Variants in CNOT4 observed in about 807,000 individuals in gnomAD.
CNOT4 encodes the protein CCR4-associated factor 4.
In CNOT4, 8 loss-of-function variants were observed where a neutral mutation model predicts 73.8. The observed-to-expected ratio is 0.11, with a 90% CI of 0.06 to 0.20. The LOEUF is 0.20. CNOT4 is among the 10% of genes least tolerant of loss of function. CNOT4 has a pLI of 1.00. For missense variants in CNOT4, 564 were observed against 883.4 expected, an observed-to-expected ratio of 0.64 and a Z score of 4.58; for synonymous variants, 293 against 321.1, an observed-to-expected ratio of 0.91 and a Z score of 0.94.
chr7:135,477,171 C>T (rs1003961789), intron 1 of CNOT4, among the ~76,000 whole-genome samples: 3 of 151,862 alleles, frequency 2.0e-5, no homozygotes, highest in Non-Finnish European at 4.4e-5. Flanking sequence ...GGCAAAACCC[C>T]GTCTCCGTTA....
At chr7:135,463,594 G>A (rs116079279) in intron 1 of CNOT4, among the ~76,000 whole-genome samples, 2,984 of 143,740 alleles carry the variant, frequency 0.021, 109 homozygotes, top group African/African-American at 0.072. Context: ...AGACAACCTA[G>A]ACAAATACCA....
At chr7:135,464,737 T>C (rs999687164) in intron 1 of CNOT4, among the ~76,000 whole-genome samples, 5 of 151,916 alleles carry the variant, frequency 3.3e-5, no homozygotes, top group Admixed American at 1.3e-4. Context: ...TATAATACTA[T>C]TAAATTTTAA....
intron 1 of CNOT4, among the ~76,000 whole-genome samples, chr7:135,459,481 T>C (rs1800743392): frequency 6.6e-6 from 1 of 152,246 alleles, no homozygotes; most frequent in Admixed American, 6.5e-5. Context: ...TTTTGACTAT[T>C]AGGCAAATGG....
chr7:135,370,390 T>G (rs1024412877), intron 10 of CNOT4, among the ~76,000 whole-genome samples: 1 of 152,236 alleles, frequency 6.6e-6, no homozygotes, highest in African/African-American at 2.4e-5. Context: ...CTCTATTCCC[T>G]CCATTCTCCT....
chr7:135,497,129 C>A (rs1298017519), intron 1 of CNOT4, among the ~76,000 whole-genome samples: 1 of 151,790 alleles, frequency 6.6e-6, no homozygotes, highest in Non-Finnish European at 1.5e-5. Flanking sequence ...CTCATAGGGT[C>A]AGGCATGGTG....
intron 1 of CNOT4, among the ~76,000 whole-genome samples, chr7:135,478,314 A>G (rs10270842): frequency 0.096 from 14,664 of 152,212 alleles, 764 homozygotes; most frequent in Middle Eastern, 0.12. Flanking sequence ...CACATTTATG[A>G]TAGATGTATG....
At chr7:135,460,738 C>A (rs1260880704) in intron 1 of CNOT4, among the ~76,000 whole-genome samples, 1 of 152,064 alleles carries the variant, frequency 6.6e-6, no homozygotes, top group Non-Finnish European at 1.5e-5. Flanking sequence ...GATAGACTTG[C>A]TTGACTCAGG....
chr7:135,398,759 C>A (rs1796842308), intron 7 of CNOT4, among the ~76,000 whole-genome samples: 1 of 151,992 alleles, frequency 6.6e-6, no homozygotes, highest in Non-Finnish European at 1.5e-5. Flanking sequence ...AAAAGTCTAA[C>A]CTACCATTTA....
chr7:135,372,349 G>C (rs887553983), intron 10 of CNOT4, among the ~76,000 whole-genome samples: 13 of 152,192 alleles, frequency 8.5e-5, no homozygotes, highest in African/African-American at 2.9e-4. Flanking sequence ...TGAGTTCTTA[G>C]ATGGCAGGCA....
chr7:135,462,037 A>G (rs553675576), intron 1 of CNOT4, among the ~76,000 whole-genome samples: 1 of 152,148 alleles, frequency 6.6e-6, no homozygotes, highest in South Asian at 2.1e-4. Flanking sequence ...TTAAGAGTAT[A>G]TTCACTTTAT....
At chr7:135,392,290 A>C (rs1796442213) in intron 10 of CNOT4, among the ~76,000 whole-genome samples, 1 of 152,094 alleles carries the variant, frequency 6.6e-6, no homozygotes, top group Non-Finnish European at 1.5e-5. Flanking sequence ...AATTTTATCC[A>C]TATCTTAAAC....
chr7:135,366,451 G>C (rs891580100), intron 10 of CNOT4, among the ~76,000 whole-genome samples: 1 of 152,152 alleles, frequency 6.6e-6, no homozygotes, highest in Admixed American at 6.5e-5. Context: ...TGTAATTGTA[G>C]ACTAATCAAA....
At chr7:135,452,672 G>T (rs1189209703) in intron 1 of CNOT4, among the ~76,000 whole-genome samples, 1 of 152,104 alleles carries the variant, frequency 6.6e-6, no homozygotes, top group African/African-American at 2.4e-5. Context: ...AGAAATGAAC[G>T]TTTACTTGTA....
At chr7:135,404,228 C>G (rs1158206679) in intron 7 of CNOT4, among the ~76,000 whole-genome samples, 5 of 152,162 alleles carry the variant, frequency 3.3e-5, no homozygotes, top group Non-Finnish European at 7.4e-5. Context: ...TCAGAAAAAC[C>G]TAGTAATCTG....
chr7:135,385,017 A>G (rs2129483034), intron 10 of CNOT4, among the ~76,000 whole-genome samples: 1 of 150,722 alleles, frequency 6.6e-6, no homozygotes, highest in Non-Finnish European at 1.5e-5. Context: ...CCAATTTCTA[A>G]TTCATAGTTC....
chr7:135,494,076 A>G (rs1803290255), intron 1 of CNOT4, among the ~76,000 whole-genome samples: 1 of 152,010 alleles, frequency 6.6e-6, no homozygotes, highest in Non-Finnish European at 1.5e-5. Context: ...AAAAAAAAAA[A>G]AAAAAACTCA....
Position 135,362,470 on chromosome 7 carries a change from A to G in CNOT4, c.*415T>C. The G allele has an allele frequency of 3.2e-6, 1 of 313,142 alleles. No homozygotes were observed. Among genetic ancestry groups the G allele is most frequent in the Non-Finnish European group, 6.2e-6 (1 of 161,906 alleles). 19.4% of individuals were successfully genotyped at this position (313,142 alleles called of 1,614,324 possible). A position where few individuals can be genotyped will look rare whatever the true frequency, so the allele number is the denominator to read the frequency against. On this transcript the variant is annotated 3_prime_UTR_variant, in exon 12 of 12. Transcript: ENST00000541284. ...CCATGCATTTAGCAATCTCACGTAA[A>G]TGAACCTGGTTTTCAAACTTCTGCA...
chr7:135,383,230 G>C (rs1362244358), intron 10 of CNOT4, among the ~76,000 whole-genome samples: 1 of 152,074 alleles, frequency 6.6e-6, no homozygotes, highest in Non-Finnish European at 1.5e-5. Flanking sequence ...TTTTAAAAAA[G>C]CCTTCCAGTT....
chr7:135,414,228 T>A, intron 5 of CNOT4, 103 bp downstream of exon 5: 2 of 578,782 alleles, frequency 3.5e-6, no homozygotes, highest in Admixed American at 5.8e-5. Context: ...CTCTTCAAAT[T>A]AACTGTCAAA....
Sources: allele counts gnomAD v4.1 joint callset (sites outside exome capture counted in the v4.1 genomes callset), GRCh38; gene constraint gnomAD v4.1.1; transcripts MANE v1.5; gene names NCBI Gene and HGNC (gene_info 2026-07-23, HGNC 2026-07-21).